PCDHB3: variants seen among roughly 807,000 people sequenced by gnomAD.
PCDHB3 encodes protocadherin beta-3.
For missense variants in PCDHB3, 967 were observed against 1,012.1 expected, an observed-to-expected ratio of 0.96 and a Z score of 0.60; for synonymous variants, 479 against 456.0, an observed-to-expected ratio of 1.05 and a Z score of -0.64.
Position 141,101,461 on chromosome 5 carries a change from C to T in PCDHB3, c.812C>T (p.Thr271Ile), listed in dbSNP as rs782162817. Residue 271 changes from threonine to isoleucine, a missense_variant, in exon 1 of 1, where the codon ACA (threonine) becomes ATA (isoleucine). Transcript: ENST00000231130. ...ACTGTCTCGGCTTCTGACTTAGATA[C>T]AGGAAGTTTTGGGACAATATCATAT... ...IVTVSASDLDTGSFGTISYAF... is the reference protein window; with the variant it reads ...IVTVSASDLDIGSFGTISYAF... The T allele has an allele frequency of 6.2e-7, 1 of 1,614,190 alleles. No homozygotes were observed. Among genetic ancestry groups the T allele is most frequent in the East Asian group, 2.2e-5 (1 of 44,894 alleles).
chr5:141,102,154 C>G lies in PCDHB3; in HGVS notation c.1505C>G (p.Ser502Cys). Residue 502 changes from serine to cysteine, a missense_variant, in exon 1 of 1, where the codon TCC becomes TGC. Physicochemically the swap from Ser to Cys is moderately radical, Grantham distance 112. Transcript: ENST00000231130. ...CAGGACCCGCACCTGCCCCTCTCTT[C>G]CCTGGTCTCCATCAACGCGGACAAC... ...PPQDPHLPLSSLVSINADNGH... is the reference protein window; with the variant it reads ...PPQDPHLPLSCLVSINADNGH... 1.2e-6 allele frequency: 2 copies of G among 1,613,100 alleles called. No homozygotes were observed. Among genetic ancestry groups the G allele is most frequent in the East Asian group, 2.2e-5 (1 of 44,890 alleles).
In PCDHB3 at chr5:141,102,619, C is replaced by A; in HGVS notation, c.1970C>A (p.Thr657Lys). ...GAGCCTCCGCGCTCGGCCACCGCCA[C>A]GCTGCATGTGCTCCTGGTGGACGGC... is the stretch of plus-strand genomic sequence containing the variant. ...NGEPPRSATA[T>K]LHVLLVDGFS... The change falls in exon 1 of 1, where the codon ACG becomes AAG. Residue 657 changes from threonine (T) to lysine (K), a missense_variant. Thr to Lys is a moderately conservative substitution (Grantham distance 78, BLOSUM62 -1). Transcript: ENST00000231130. 1 of 1,609,502 alleles carries A rather than the reference C, an allele frequency of 6.2e-7. No individual in the cohort carries two copies. Among genetic ancestry groups the A allele is most frequent in the South Asian group, 1.1e-5 (1 of 90,988 alleles).
At position 141,102,386 on chromosome 5, in the gene PCDHB3, G is replaced by T. The variant is rs1751976450; in HGVS notation, c.1737G>T (p.Ala579=). The T allele has an allele frequency of 1.3e-6, 2 of 1,570,840 alleles. No individual in the cohort carries two copies. Among genetic ancestry groups the T allele is most frequent in the African/African-American group, 1.3e-5 (1 of 74,542 alleles). The part of the protein sequence containing the change: ...SAPCTELVPR[A]AEPGYLVTKV... ...CCTGCACCGAGCTGGTGCCCCGGGC[G>T]GCTGAGCCGGGCTACCTGGTGACCA... Residue 579 remains alanine (A), a synonymous_variant, in exon 1 of 1, where the codon GCG becomes GCT. Coordinates refer to ENST00000231130, the MANE Select transcript of PCDHB3 (RefSeq NM_018937.5).
chr5:141,103,139 A>G lies in PCDHB3; in HGVS notation c.*99A>G. ...GAGAGGTCTTTTTTGGTCTGGTTCAAGGCAAGTAGCAAGAATAGAGCAAAA... is the reference window on the plus strand; with the variant it reads ...GAGAGGTCTTTTTTGGTCTGGTTCAGGGCAAGTAGCAAGAATAGAGCAAAA... On this transcript the variant is annotated 3_prime_UTR_variant, in exon 1 of 1. Coordinates refer to ENST00000231130, the MANE Select transcript of PCDHB3 (RefSeq NM_018937.5). 7.1e-7 allele frequency: 1 copy of G among 1,415,170 alleles called. No individual in the cohort carries two copies. The highest frequency in any genetic ancestry group is 9.6e-7 in the Non-Finnish European group (1 of 1,042,838). 87.7% of individuals were successfully genotyped at this position (1,415,170 alleles called of 1,614,324 possible).
chr5:141,102,715 A>C lies in PCDHB3; in HGVS notation c.2066A>C (p.Tyr689Ser), dbSNP rs782461820. 33 of 1,611,600 alleles carry C rather than the reference A, an allele frequency of 2.0e-5. No individual in the cohort carries two copies. In the South Asian group the frequency reaches 3.6e-4, roughly 18 times the overall value. Residue 689 changes from tyrosine (Y) to serine (S), a missense_variant, in exon 1 of 1, where the codon TAC becomes TCC. By Grantham distance (144) the Tyr-to-Ser change is moderately radical. Transcript: ENST00000231130. Reference sequence around the variant, plus strand: ...GCCCAGGCCGACTTGCTCACCGTCTACCTGGTGGTGGCATTGGCCTCGGTG... The same window carrying C: ...GCCCAGGCCGACTTGCTCACCGTCTCCCTGGTGGTGGCATTGGCCTCGGTG... ...AQAQADLLTVYLVVALASVSS... is the reference protein window; with the variant it reads ...AQAQADLLTVSLVVALASVSS...
At position 141,100,640 on chromosome 5, in the gene PCDHB3, G is replaced by C. The variant is rs139910364; in HGVS notation, c.-10G>C. 7 of 1,569,334 alleles carry C rather than the reference G, an allele frequency of 4.5e-6. No individual in the cohort carries two copies. The Admixed American group carries it at 1.1e-4, about 24-fold the overall frequency. The stretch of plus-strand genomic sequence containing the variant: ...GCGACATTCCCTGGAAGAGCGTGAC[G>C]GAAAGTGCAATGGAGGCGGGAGGAG... On this transcript the variant is annotated 5_prime_UTR_variant, in exon 1 of 1. Coordinates refer to ENST00000231130, the MANE Select transcript of PCDHB3 (RefSeq NM_018937.5).
rs1344403723 is a variant in PCDHB3, at chr5:141,102,325, C to A, written c.1676C>A (p.Pro559His). Residue 559 changes from proline (P) to histidine (H), a missense_variant, in exon 1 of 1, where the codon CCC becomes CAC. Coordinates refer to ENST00000231130, the MANE Select transcript of PCDHB3 (RefSeq NM_018937.5). ...GTGCTGGACGCCAACGACAACTCGCCCTTCGTGCTGTACCCGCTGCAGAAC... is the reference window on the plus strand; with the variant it reads ...GTGCTGGACGCCAACGACAACTCGCACTTCGTGCTGTACCCGCTGCAGAAC... ...VLVLDANDNSPFVLYPLQNGS... is the reference protein window; with the variant it reads ...VLVLDANDNSHFVLYPLQNGS... 1 of 1,611,428 alleles carries A rather than the reference C, an allele frequency of 6.2e-7. No individual in the cohort carries two copies. Among genetic ancestry groups the A allele is most frequent in the East Asian group, 2.2e-5 (1 of 44,886 alleles).
Position 141,101,202 on chromosome 5 carries a change from C to G in PCDHB3, c.553C>G (p.Arg185Gly), listed in dbSNP as rs767016658. 5.6e-6 allele frequency: 9 copies of G among 1,613,974 alleles called. No individual in the cohort carries two copies. Among genetic ancestry groups the G allele is most frequent in the East Asian group, 2.2e-5 (1 of 44,888 alleles). The part of the protein sequence containing the change: ...NSHFHVLTRS[R>G]RDGRKYPELV... ...CCACTTCCACGTACTCACTCGCAGT[C>G]GTAGGGACGGAAGGAAGTACCCGGA... Residue 185 changes from arginine (R) to glycine (G), a missense_variant, in exon 1 of 1, where the codon CGT becomes GGT. Physicochemically the swap from Arg to Gly is moderately radical, Grantham distance 125. Transcript: ENST00000231130.
chr5:141,103,178 G>A lies in PCDHB3; in HGVS notation c.*138G>A. 1.0e-6 allele frequency: 1 copy of A among 988,484 alleles called. No individual in the cohort carries two copies. The highest frequency in any genetic ancestry group is 1.5e-6 in the Non-Finnish European group (1 of 669,908). 61.2% of individuals were successfully genotyped at this position (988,484 alleles called of 1,614,324 possible). On this transcript the variant is annotated 3_prime_UTR_variant, in exon 1 of 1. Coordinates refer to ENST00000231130, the MANE Select transcript of PCDHB3 (RefSeq NM_018937.5). Reference sequence around the variant, plus strand: ...AATAGAGCAAAATATCAAATCCAGGGATGGCTTAGGTTTCATTAACAGTAC... The same window carrying A: ...AATAGAGCAAAATATCAAATCCAGGAATGGCTTAGGTTTCATTAACAGTAC...
At position 141,102,507 on chromosome 5, in the gene PCDHB3, C is replaced by T; in HGVS notation, c.1858C>T (p.His620Tyr). 6.2e-7 allele frequency: 1 copy of T among 1,608,750 alleles called. No homozygotes were observed. Among genetic ancestry groups the T allele is most frequent in the Non-Finnish European group, 8.5e-7 (1 of 1,179,606 alleles). Residue 620 changes from histidine to tyrosine, a missense_variant, in exon 1 of 1, where the codon CAC (histidine) becomes TAC (tyrosine). By Grantham distance (83) the His-to-Tyr change is moderately conservative. Transcript: ENST00000231130. ...GCCCGGGCTGTTCGGCGTGTGGGCG[C>T]ACAATGGCGAAGTGCGCACCGCCAG... is the stretch of plus-strand genomic sequence containing the variant. ...TEPGLFGVWA[H>Y]NGEVRTARLL...
In PCDHB3 at chr5:141,101,024, T is replaced by C; in HGVS notation, c.375T>C (p.Asp125=). The change falls in exon 1 of 1, where the codon GAT becomes GAC. Residue 125 remains aspartate (D), a synonymous_variant. Transcript: ENST00000231130. ...TTACAAACGAGCTCCGTATCATAGA[T>C]GTAAATGACCATTCTCCGGTATTCT... ...QFVTNELRII[D]VNDHSPVFFE... The C allele has an allele frequency of 6.2e-7, 1 of 1,614,192 alleles. No homozygotes were observed. The highest frequency in any genetic ancestry group is 8.5e-7 in the Non-Finnish European group (1 of 1,180,038).
Position 141,102,322 on chromosome 5 carries a change from C to T in PCDHB3, c.1673C>T (p.Ser558Leu). The T allele has an allele frequency of 1.2e-6, 2 of 1,611,538 alleles. No homozygotes were observed. Among genetic ancestry groups the T allele is most frequent in the Non-Finnish European group, 1.7e-6 (2 of 1,179,690 alleles). Residue 558 changes from serine to leucine, a missense_variant, in exon 1 of 1, where the codon TCG becomes TTG. Transcript: ENST00000231130. ...RVLVLDANDNSPFVLYPLQNG... is the reference protein window; with the variant it reads ...RVLVLDANDNLPFVLYPLQNG... ...CTGGTGCTGGACGCCAACGACAACTCGCCCTTCGTGCTGTACCCGCTGCAG... is the reference window on the plus strand; with the variant it reads ...CTGGTGCTGGACGCCAACGACAACTTGCCCTTCGTGCTGTACCCGCTGCAG...
rs1751986171 is a variant in PCDHB3 at position 141,102,625 on chromosome 5, A to G, written c.1976A>G (p.His659Arg). The change falls in exon 1 of 1, where the codon CAT becomes CGT. Residue 659 changes from histidine to arginine, a missense_variant. His to Arg is a conservative substitution (Grantham distance 29, BLOSUM62 0). Transcript: ENST00000231130. ...CCGCGCTCGGCCACCGCCACGCTGC[A>G]TGTGCTCCTGGTGGACGGCTTCTCC... ...EPPRSATATL[H>R]VLLVDGFSQP... 1 of 1,609,848 alleles carries G rather than the reference A, an allele frequency of 6.2e-7. No individual in the cohort carries two copies. Among genetic ancestry groups the G allele is most frequent in the Non-Finnish European group, 8.5e-7 (1 of 1,179,750 alleles).
At position 141,101,843 on chromosome 5, in the gene PCDHB3, G is replaced by T. The variant is rs1554272382; in HGVS notation, c.1194G>T (p.Glu398Asp). The T allele has an allele frequency of 2.5e-6, 4 of 1,614,112 alleles. No individual in the cohort carries two copies. In the Admixed American group the frequency reaches 5.0e-5, roughly 20 times the overall value. Residue 398 changes from glutamate to aspartate, a missense_variant, in exon 1 of 1, where the codon GAG (glutamate) becomes GAT (aspartate). Coordinates refer to ENST00000231130, the MANE Select transcript of PCDHB3 (RefSeq NM_018937.5). Reference protein sequence around the residue: ...NLPFFLKPSVENFYTLVSEGA... With the variant: ...NLPFFLKPSVDNFYTLVSEGA... ...CCTTCTTCCTGAAACCATCTGTAGA[G>T]AATTTTTACACCCTAGTGTCAGAAG...
rs782450577 is a variant in PCDHB3, at chr5:141,101,364, G to T, written c.715G>T (p.Ala239Ser). 6.2e-7 allele frequency: 1 copy of T among 1,614,152 alleles called. No homozygotes were observed. The highest frequency in any genetic ancestry group is 1.7e-5 in the Admixed American group (1 of 60,026). The change falls in exon 1 of 1, where the codon GCA (alanine) becomes TCA (serine). Residue 239 changes from alanine (A) to serine (S), a missense_variant. Ala to Ser is a moderately conservative substitution (Grantham distance 99). Coordinates refer to ENST00000231130, the MANE Select transcript of PCDHB3 (RefSeq NM_018937.5). ...CCAGGTCTTAGATATAAACGACAAT[G>T]CACCAGAATTTGCACAGCCGCTCTA... The part of the protein sequence containing the change: ...NIQVLDINDN[A>S]PEFAQPLYEV...
At position 141,101,546 on chromosome 5, in the gene PCDHB3, T is replaced by C. The variant is rs782240037; in HGVS notation, c.897T>C (p.Gly299=). Residue 299 remains glycine (G), a synonymous_variant, in exon 1 of 1, where the codon GGT becomes GGC. Coordinates refer to ENST00000231130, the MANE Select transcript of PCDHB3 (RefSeq NM_018937.5). ...RKTFQLNPIT[G]DMQLVKYLNF... The stretch of plus-strand genomic sequence containing the variant: ...CTTTTCAGCTAAATCCAATTACTGG[T>C]GATATGCAACTGGTCAAATATTTGA... 1 of 1,614,048 alleles carries C rather than the reference T, an allele frequency of 6.2e-7. No individual in the cohort carries two copies. The highest frequency in any genetic ancestry group is 1.7e-5 in the Admixed American group (1 of 59,996).
At position 141,100,519 on chromosome 5, in the gene PCDHB3, G is replaced by C; in HGVS notation, c.-131G>C. 1 of 709,614 alleles carries C rather than the reference G, an allele frequency of 1.4e-6. No homozygotes were observed. Among genetic ancestry groups the C allele is most frequent in the Non-Finnish European group, 2.3e-6 (1 of 432,334 alleles). The allele number at this position is 709,614 out of a possible 1,614,324, so 44.0% of individuals were successfully genotyped here. On this transcript the variant is annotated 5_prime_UTR_variant, in exon 1 of 1. Coordinates refer to ENST00000231130, the MANE Select transcript of PCDHB3 (RefSeq NM_018937.5). The stretch of plus-strand genomic sequence containing the variant: ...AGAGCCCAGGCAGATTTTTGAGCCA[G>C]CAAGTCTGAGCCTCTGGAAAGGCTT...
chr5:141,101,987 C>T lies in PCDHB3; in HGVS notation c.1338C>T (p.Asp446=). Residue 446 remains aspartate (D), a synonymous_variant, in exon 1 of 1, where the codon GAC becomes GAT. Transcript: ENST00000231130. ...NITVLVSDVN[D]NAPAFTQISY... is the part of the protein sequence containing the mutation. The stretch of plus-strand genomic sequence containing the variant: ...CCGTGCTGGTCTCCGACGTCAATGA[C>T]AACGCCCCCGCCTTCACCCAAATCT... The T allele has an allele frequency of 6.2e-7, 1 of 1,613,470 alleles. No individual in the cohort carries two copies. Among genetic ancestry groups the T allele is most frequent in the Non-Finnish European group, 8.5e-7 (1 of 1,180,024 alleles).
In PCDHB3 at chr5:141,102,340, C is replaced by G; in HGVS notation, c.1691C>G (p.Pro564Arg). The G allele has an allele frequency of 2.5e-6, 4 of 1,611,412 alleles. No homozygotes were observed. In the South Asian group the frequency reaches 3.3e-5, roughly 13 times the overall value. ...ANDNSPFVLYPLQNGSAPCTE... is the reference protein window; with the variant it reads ...ANDNSPFVLYRLQNGSAPCTE... The stretch of plus-strand genomic sequence containing the variant: ...GACAACTCGCCCTTCGTGCTGTACC[C>G]GCTGCAGAACGGCTCCGCGCCCTGC... The change falls in exon 1 of 1, where the codon CCG (proline) becomes CGG (arginine). Residue 564 changes from proline to arginine, a missense_variant. Pro to Arg is a moderately radical substitution (Grantham distance 103, BLOSUM62 -2). Coordinates refer to ENST00000231130, the MANE Select transcript of PCDHB3 (RefSeq NM_018937.5).
Sources: gnomAD v4.1 joint callset for allele counts on GRCh38, gnomAD v4.1.1 for gene constraint, MANE v1.5 for transcripts, NCBI Gene and HGNC (gene_info 2026-07-23, HGNC 2026-07-21) for gene names.